The following MROH2B variants were observed in gnomAD, a reference collection of about 807,000 sequenced individuals.
MROH2B encodes the protein maestro heat-like repeat-containing protein family member 2B.
In MROH2B, 177 loss-of-function variants were observed where a neutral mutation model predicts 208.6. The observed-to-expected ratio is 0.85, with a 90% CI of 0.75 to 0.96. The LOEUF (loss-of-function observed/expected upper bound fraction) is 0.96, where lower values mean the gene tolerates loss of function less well. Among genes scored for constraint, MROH2B ranks in the 40% least tolerant of loss-of-function variants. MROH2B has a pLI of 0.00. For synonymous variants in MROH2B, 728 were observed against 659.0 expected, an observed-to-expected ratio of 1.10 and a Z score of -1.60; for missense variants, 2,002 against 1,878.7, an observed-to-expected ratio of 1.07 and a Z score of -1.21.
intron 36 of MROH2B, 50 bp from the exon 37 acceptor site, chr5:41,004,578 T>A: frequency 6.4e-7 from 1 of 1,569,142 alleles, no homozygotes; most frequent in South Asian, 1.2e-5. Flanking sequence ...TATGCGTATC[T>A]GGAAGAGGGT....
At chr5:41,027,179 T>A (rs1249195482) in intron 24 of MROH2B, among the ~76,000 whole-genome samples, 1 of 151,930 alleles carries the variant, frequency 6.6e-6, no homozygotes, top group Non-Finnish European at 1.5e-5. Flanking sequence ...AAAGCAAAAA[T>A]TGACAAATGG....
chr5:41,064,406 T>G (rs921205660), intron 5 of MROH2B, 66 bp downstream of exon 5: 20 of 1,342,574 alleles, frequency 1.5e-5, no homozygotes, highest in Admixed American at 7.7e-5. Context: ...ACAAGACTTT[T>G]GCTTAATTTG....
chr5:41,021,353 T>C (rs1290659282), intron 24 of MROH2B, among the ~76,000 whole-genome samples: 1 of 152,210 alleles, frequency 6.6e-6, no homozygotes, highest in Non-Finnish European at 1.5e-5. Context: ...GATGACTAGA[T>C]CTTAATATCA....
rs906489887 is a variant in MROH2B, at chr5:41,055,785, T to C, written c.990A>G (p.Arg330=). 1 of 1,613,746 alleles carries C rather than the reference T, an allele frequency of 6.2e-7. No homozygotes were observed. Among genetic ancestry groups the C allele is most frequent in the Non-Finnish European group, 8.5e-7 (1 of 1,179,836 alleles). The change falls in exon 10 of 42, where the codon CGA becomes CGG. Residue 330 remains arginine, a synonymous_variant. Transcript: ENST00000399564. ...ATCTTAACAAAGTCAAGATTCCCAC[T>C]CGAATGGCTTCATTATTACTTCTTA... is the stretch of plus-strand genomic sequence containing the variant. ...EQVRSNNEAI[R]VGILTLLRLA...
At chr5:41,049,073 C>G in intron 15 of MROH2B, 28 bp downstream of exon 15, 2 of 1,575,760 alleles carry the variant, frequency 1.3e-6, no homozygotes, top group Non-Finnish European at 1.7e-6. Context: ...TAAATTTGTT[C>G]TACTTTGGTT....
chr5:41,054,633 G>A, intron 11 of MROH2B, 134 bp downstream of exon 11: 1 of 556,800 alleles, frequency 1.8e-6, no homozygotes, highest in Admixed American at 3.8e-5. Context: ...TGGAAAAGAT[G>A]GAGTTCTTTT....
intron 24 of MROH2B, among the ~76,000 whole-genome samples, chr5:41,031,953 A>G (rs1742584975): frequency 6.6e-6 from 1 of 151,988 alleles, no homozygotes; most frequent in African/African-American, 2.4e-5. Context: ...AATGTATCAC[A>G]TTTTCTTTAT....
chr5:41,052,510 C>A lies in MROH2B; in HGVS notation c.1185G>T (p.Leu395Phe). 1 of 1,612,836 alleles carries A rather than the reference C, an allele frequency of 6.2e-7. No homozygotes were observed. The highest frequency in any genetic ancestry group is 8.5e-7 in the Non-Finnish European group (1 of 1,179,288). The change falls in exon 12 of 42, where the codon TTG becomes TTT. Residue 395 changes from leucine to phenylalanine, a missense_variant. By Grantham distance (22) the Leu-to-Phe change is conservative (BLOSUM62 0). Coordinates refer to ENST00000399564, the MANE Select transcript of MROH2B (RefSeq NM_173489.5). ...CAAACTGGGAGAAGACATAATCAAT[C>A]AATGGCCATCCTTCCCGAGCTTCAA... is the stretch of plus-strand genomic sequence containing the variant. The part of the protein sequence containing the change: ...SYIEAREGWP[L>F]IDYVFSQFAT...
chr5:41,026,325 A>G (rs1376204229), intron 24 of MROH2B, among the ~76,000 whole-genome samples: 1 of 152,270 alleles, frequency 6.6e-6, no homozygotes, highest in African/African-American at 2.4e-5. Flanking sequence ...GCTGATAAGC[A>G]ACTTCAGCAA....
At chr5:41,047,879 T>C in intron 16 of MROH2B, 115 bp from the exon 17 acceptor site, 1 of 861,162 alleles carries the variant, frequency 1.2e-6, no homozygotes, top group Non-Finnish European at 1.8e-6. Flanking sequence ...TTCTTTTTGC[T>C]CATAATGCTT....
chr5:41,031,059 A>T, intron 24 of MROH2B, among the ~76,000 whole-genome samples: 1 of 152,066 alleles, frequency 6.6e-6, no homozygotes, highest in Non-Finnish European at 1.5e-5. Flanking sequence ...AAAATGGAGG[A>T]CTAGAAATAA....
rs58129703 is a variant in MROH2B at position 41,005,425 on chromosome 5, C to CACCTCCT, written c.3864+105_3864+106insAGGAGGT. 283 of 216,608 alleles carry CACCTCCT rather than the reference C, an allele frequency of 1.3e-3. 7 individuals are homozygous for CACCTCCT. Among genetic ancestry groups the CACCTCCT allele is most frequent in the South Asian group, 6.1e-3 (136 of 22,148 alleles). 13.4% of individuals were successfully genotyped at this position (216,608 alleles called of 1,614,324 possible). A position where few individuals can be genotyped will look rare whatever the true frequency, so the allele number is the denominator to read the frequency against. Reference sequence around the variant, plus strand: ...TCTCCTCTATGAAACCCCCCCCCCCCTTGAAGTCTCTCTTCCCTGGTTCCA... The same window carrying CACCTCCT: ...TCTCCTCTATGAAACCCCCCCCCCCCACCTCCTTTGAAGTCTCTCTTCCCTGGTTCCA... On this transcript the variant is annotated intron_variant, in intron 35 of 41. Transcript: ENST00000399564.
At chr5:41,049,173 G>A in intron 14 of MROH2B, 32 bp from the exon 15 acceptor site, 2 of 1,603,424 alleles carry the variant, frequency 1.2e-6, no homozygotes, top group Non-Finnish European at 8.5e-7. Flanking sequence ...CATCATCACT[G>A]CAGGGGTTAG....
chr5:41,050,570 A>G (rs1489328654), intron 13 of MROH2B, among the ~76,000 whole-genome samples: 4 of 152,126 alleles, frequency 2.6e-5, no homozygotes, highest in Non-Finnish European at 5.9e-5. Flanking sequence ...ACAGATTCCA[A>G]GGCTCTTCCC....
In MROH2B at chr5:41,047,659, T is replaced by A. The variant is rs186642254; in HGVS notation, c.1728+62A>T. 1,001 of 1,420,250 alleles carry A rather than the reference T, an allele frequency of 7.0e-4. 1 individual carries two copies. The highest frequency in any genetic ancestry group is 9.0e-4 in the Non-Finnish European group (927 of 1,031,214). The allele number at this position is 1,420,250 out of a possible 1,614,324, so 88.0% of individuals were successfully genotyped here. ...GGAATCTAGTTCCTTTAATTTAGGA[T>A]GGGTAACTTCAGCTGATTTCATCAT... On this transcript the variant is annotated intron_variant, in intron 17 of 41. Coordinates refer to ENST00000399564, the MANE Select transcript of MROH2B (RefSeq NM_173489.5).
rs1483611560 is a variant in MROH2B, at chr5:41,018,711, C to T, written c.2653G>A (p.Asp885Asn). ...TMMWDNVNAEDCQEMFNLLQM... is the reference protein window; with the variant it reads ...TMMWDNVNAENCQEMFNLLQM... Reference sequence around the variant, plus strand: ...CTCACATTAAACATTTCTTGACAGTCCTCTGCATTCACATTATCCCACATC... The same window carrying T: ...CTCACATTAAACATTTCTTGACAGTTCTCTGCATTCACATTATCCCACATC... Residue 885 changes from aspartate (D) to asparagine (N), a missense_variant, in exon 26 of 42, where the codon GAC (aspartate) becomes AAC (asparagine). Asp to Asn is a conservative substitution (Grantham distance 23). Coordinates refer to ENST00000399564, the MANE Select transcript of MROH2B (RefSeq NM_173489.5). 1.2e-6 allele frequency: 2 copies of T among 1,613,790 alleles called. No homozygotes were observed. Among genetic ancestry groups the T allele is most frequent in the Non-Finnish European group, 1.7e-6 (2 of 1,179,870 alleles).
rs763518210 is a variant in MROH2B at position 41,049,371 on chromosome 5, C to T, written c.1410G>A (p.Leu470=). ...PAEYTEALEP[L]FSIIRILIMA... ...TAATCAGAATTCTGATGATACTAAA[C>T]AGGGGCTCCAGAGCTTCTGTGTATT... The change falls in exon 14 of 42, where the codon CTG becomes CTA. Residue 470 remains leucine (L), a synonymous_variant. Transcript: ENST00000399564. 3.8e-5 allele frequency: 61 copies of T among 1,613,634 alleles called. No homozygotes were observed. Among genetic ancestry groups the T allele is most frequent in the Non-Finnish European group, 5.2e-5 (61 of 1,179,796 alleles).
intron 11 of MROH2B, among the ~76,000 whole-genome samples, chr5:41,053,123 C>T (rs1743336715): frequency 6.6e-6 from 1 of 152,186 alleles, no homozygotes. Flanking sequence ...TAAAACACTG[C>T]TTTGCTTTTA....
At position 41,008,588 on chromosome 5, in the gene MROH2B, TC is replaced by T. The variant is rs746950827; in HGVS notation, c.3608+17del. On this transcript the variant is annotated intron_variant, in intron 33 of 41. Transcript: ENST00000399564. Reference sequence around the variant, plus strand: ...GATTAGGACCACTGTGGAAGATGCTTCCTGATTGGCCGTTTACCTGCAGGGG... The same window carrying T: ...GATTAGGACCACTGTGGAAGATGCTTCTGATTGGCCGTTTACCTGCAGGGG... 6.2e-7 allele frequency: 1 copy of T among 1,612,034 alleles called. No homozygotes were observed.
Sources: allele counts gnomAD v4.1 joint callset (sites outside exome capture counted in the v4.1 genomes callset), GRCh38; gene constraint gnomAD v4.1.1; transcripts MANE v1.5; gene names NCBI Gene and HGNC (gene_info 2026-07-23, HGNC 2026-07-21).